Variants in INTS6 observed in about 807,000 individuals in gnomAD.
INTS6 encodes the protein integrator complex subunit 6, also known as DEAD box protein.
A neutral mutation model predicts 104.9 loss-of-function variants in INTS6; 16 were observed. That is an observed-to-expected ratio of 0.15 (90% CI 0.10 to 0.23). The LOEUF (loss-of-function observed/expected upper bound fraction) is 0.23, where lower values mean the gene tolerates loss of function less well. INTS6 is among the 10% of genes least tolerant of loss of function. The pLI, the probability that INTS6 is intolerant of heterozygous loss-of-function variation, is 1.00. For missense variants in INTS6, 584 were observed against 1,062.8 expected (o/e 0.55, Z 6.26); for synonymous variants, 324 against 358.7 (o/e 0.90, Z 1.09).
In INTS6 at chr13:51,364,153, A is replaced by G; in HGVS notation, c.*1599T>C. The G allele has an allele frequency of 1.7e-6, 1 of 602,826 alleles. No homozygotes were observed. Among genetic ancestry groups the G allele is most frequent in the East Asian group, 3.1e-5 (1 of 32,560 alleles). 37.3% of individuals were successfully genotyped at this position (602,826 alleles called of 1,614,324 possible). On this transcript the variant is annotated 3_prime_UTR_variant, in exon 18 of 18. Transcript: ENST00000311234. ...TATTAAATGTTATCTTGCATTACTT[A>G]AAAGTATTTGTATAGAAGTAAACAA...
In INTS6 at chr13:51,367,869, G is replaced by A. The variant is rs144985389; in HGVS notation, c.2506C>T (p.His836Tyr). ...KYERIFTLLK[H>Y]VQGSLQTRLI... ...CTTGTTTGTAAACTGCCTTGCACAT[G>A]CTTCAGTAAAGTGAAGATTCTTTCA... The change falls in exon 17 of 18, where the codon CAT (histidine) becomes TAT (tyrosine). Residue 836 changes from histidine to tyrosine, a missense_variant. His to Tyr is a moderately conservative substitution (Grantham distance 83, BLOSUM62 2). Coordinates refer to ENST00000311234, the MANE Select transcript of INTS6 (RefSeq NM_012141.3). 2.0e-5 allele frequency: 32 copies of A among 1,587,004 alleles called. No individual in the cohort carries two copies. Among genetic ancestry groups the A allele is most frequent in the Non-Finnish European group, 2.7e-5 (32 of 1,169,228 alleles).
At chr13:51,425,504 T>C (rs1386537753) in intron 4 of INTS6, among the ~76,000 whole-genome samples, 3 of 151,990 alleles carry the variant, frequency 2.0e-5, no homozygotes, top group Admixed American at 6.6e-5. Flanking sequence ...TGTCAGCATA[T>C]AGAAATCTCA....
rs865818287 is a variant in INTS6, at chr13:51,375,752, T to C, written c.1729+296A>G. Among the ~76,000 whole-genome samples, 8 of 151,868 alleles carry C rather than the reference T, an allele frequency of 5.3e-5. 2 individuals carry two copies. In the Middle Eastern group the frequency reaches 0.02, roughly 387 times the overall value. Reference sequence around the variant, plus strand: ...ATAAGTGGGTGTGTGTGTGTGTGTGTGTGTGTGTGTGTGTGCGCGCGCGTG... The same window carrying C: ...ATAAGTGGGTGTGTGTGTGTGTGTGCGTGTGTGTGTGTGTGCGCGCGCGTG... On this transcript the variant is annotated intron_variant, in intron 13 of 17. Coordinates refer to ENST00000311234, the MANE Select transcript of INTS6 (RefSeq NM_012141.3).
rs1379967106 is a variant in INTS6, at chr13:51,452,608, C to A, written c.-83G>T. 4 of 1,552,848 alleles carry A rather than the reference C, an allele frequency of 2.6e-6. No individual in the cohort carries two copies. Among genetic ancestry groups the A allele is most frequent in the South Asian group, 2.3e-5 (2 of 88,508 alleles). ...TGGAGGCGCCGGTGGCGGCGACCGC[C>A]GCTACGCGGGGCGGGGGAGCACGGC... On this transcript the variant is annotated 5_prime_UTR_variant, in exon 1 of 18. Coordinates refer to ENST00000311234, the MANE Select transcript of INTS6 (RefSeq NM_012141.3). This position sits in a 1 kb window ranked among gnomAD's most constrained non-coding sequence, Gnocchi z 4.2.
intron 7 of INTS6, among the ~76,000 whole-genome samples, chr13:51,386,269 C>T (rs1956139899): frequency 6.6e-6 from 1 of 152,076 alleles, no homozygotes; most frequent in Non-Finnish European, 1.5e-5. Context: ...TCCATTACAA[C>T]TCAGGTACTG....
chr13:51,421,273 GTCA>G, intron 4 of INTS6: 1 of 985,746 alleles, frequency 1.0e-6, no homozygotes, highest in Non-Finnish European at 1.2e-6. Flanking sequence ...TGAGGCACCA[GTCA>G]TCATGAGACA....
chr13:51,378,883 A>G (rs1001440360), intron 11 of INTS6, among the ~76,000 whole-genome samples: 3 of 152,068 alleles, frequency 2.0e-5, no homozygotes, highest in African/African-American at 7.2e-5. Flanking sequence ...GAAAGCAAGA[A>G]GCAATGTTTT....
chr13:51,418,789 A>C (rs1269915680), intron 4 of INTS6, among the ~76,000 whole-genome samples: 5 of 152,214 alleles, frequency 3.3e-5, no homozygotes, highest in East Asian at 3.8e-4. Flanking sequence ...TTACCCCAAC[A>C]AATTGCAAAG....
chr13:51,416,019 T>C (rs79509620), intron 4 of INTS6, among the ~76,000 whole-genome samples: 1,555 of 152,268 alleles, frequency 0.01, 25 homozygotes, highest in African/African-American at 0.035. Context: ...CAGTGTTCAA[T>C]AGTGCTGGCA....
the INTS6 span, among the ~76,000 whole-genome samples, chr13:51,347,832 C>G: frequency 6.6e-6 from 1 of 151,938 alleles, no homozygotes; most frequent in Non-Finnish European, 1.5e-5. Flanking sequence ...GTCATCAGAT[C>G]GAGAAAACAT....
At chr13:51,414,809 ATATG>A in intron 4 of INTS6, among the ~76,000 whole-genome samples, 1 of 148,440 alleles carries the variant, frequency 6.7e-6, no homozygotes, top group Middle Eastern at 3.4e-3. Flanking sequence ...TTCCTTCTAT[ATATG>A]TATGTATGTA....
At chr13:51,395,254 T>A (rs759031699) in intron 5 of INTS6, 46 bp downstream of exon 5, 1 of 1,529,146 alleles carries the variant, frequency 6.5e-7, no homozygotes, top group South Asian at 1.3e-5. Context: ...AACATTCAGA[T>A]AAAATCTGCT....
intron 3 of INTS6, among the ~76,000 whole-genome samples, chr13:51,435,932 AC>A (rs1177626276): frequency 6.6e-6 from 1 of 152,106 alleles, no homozygotes; most frequent in Non-Finnish European, 1.5e-5. Context: ...TAAAGGCCTA[AC>A]ATGCTTATAT....
chr13:51,430,522 T>C, intron 3 of INTS6, 139 bp from the exon 4 acceptor site: 2 of 557,734 alleles, frequency 3.6e-6, no homozygotes, highest in South Asian at 5.8e-5. Flanking sequence ...TTTGTACATT[T>C]TAAGAAAAGA....
chr13:51,451,332 A>T (rs1953037283), intron 2 of INTS6, 158 bp from the exon 3 acceptor site: 2 of 461,950 alleles, frequency 4.3e-6, no homozygotes, highest in Non-Finnish European at 7.2e-6. Context: ...ACTCTCTTCC[A>T]AAGGTGGCCC....
chr13:51,340,288 T>A, the INTS6 span, among the ~76,000 whole-genome samples: 1 of 152,206 alleles, frequency 6.6e-6, no homozygotes, highest in African/African-American at 2.4e-5. Flanking sequence ...TACTTTGCCT[T>A]TCTCTTCTTG....
At chr13:51,371,572 C>G (rs1347675067) in intron 15 of INTS6, among the ~76,000 whole-genome samples, 3 of 152,054 alleles carry the variant, frequency 2.0e-5, no homozygotes, top group Admixed American at 1.3e-4. Context: ...TCTGCTTGCC[C>G]CAGACTTGCA....
chr13:51,450,847 A>G, intron 3 of INTS6, 178 bp downstream of exon 3: 1 of 1,222,122 alleles, frequency 8.2e-7, no homozygotes, highest in Non-Finnish European at 1.0e-6. Context: ...GGGGGAAAAA[A>G]TGAGGGATGT....
chr13:51,445,525 A>G (rs1345749829), intron 3 of INTS6: 2 of 152,256 alleles, frequency 1.3e-5, no homozygotes, highest in Admixed American at 1.3e-4. Flanking sequence ...CATTTTAAAT[A>G]TATCATCCCA....
Sources: allele counts gnomAD v4.1 joint callset (sites outside exome capture counted in the v4.1 genomes callset), GRCh38; gene constraint gnomAD v4.1.1; non-coding constraint Gnocchi (gnomAD v3.1); transcripts MANE v1.5; gene names NCBI Gene and HGNC (gene_info 2026-07-23, HGNC 2026-07-21).